Variants in SCARB2 observed in about 807,000 individuals in gnomAD.
The protein encoded by SCARB2 is lysosome membrane protein 2.
SCARB2 carries 29 observed loss-of-function variants against 58.6 expected under a neutral mutation model. That is an observed-to-expected ratio of 0.49 (90% CI 0.37 to 0.67). The LOEUF is 0.67. Among genes scored for constraint, SCARB2 ranks in the 30% least tolerant of loss-of-function variants. SCARB2 has a pLI of 0.00. For missense variants in SCARB2, 488 were observed against 578.5 expected (o/e 0.84, Z 1.60); for synonymous variants, 195 against 210.1 (o/e 0.93, Z 0.62).
intron 1 of SCARB2, among the ~76,000 whole-genome samples, chr4:76,201,071 G>A (rs754755556): frequency 1.3e-5 from 2 of 152,182 alleles, no homozygotes; most frequent in Admixed American, 6.5e-5. Context: ...ACCTGTCGCT[G>A]TCTTTTCCTG....
At chr4:76,194,392 A>C (rs1313996914) in intron 2 of SCARB2, 1 of 152,216 alleles carries the variant, frequency 6.6e-6, no homozygotes, top group African/African-American at 2.4e-5. Flanking sequence ...CAATCTTTGT[A>C]AAAACCATGT....
intron 6 of SCARB2, 30 bp downstream of exon 6, chr4:76,175,761 T>C (rs1732239482): frequency 6.2e-7 from 1 of 1,613,178 alleles, no homozygotes; most frequent in Non-Finnish European, 8.5e-7. Context: ...ACCTTATTTT[T>C]GAAAAAGAAC....
chr4:76,215,843 C>T (rs909049212), upstream of SCARB2, among the ~76,000 whole-genome samples: 2 of 152,174 alleles, frequency 1.3e-5, no homozygotes, highest in African/African-American at 4.8e-5. Context: ...CTAGACATTA[C>T]AGAGCAGAGG....
chr4:76,229,506 G>A (rs1174288218), intron 1 of SCARB2, among the ~76,000 whole-genome samples: 20 of 152,200 alleles, frequency 1.3e-4, no homozygotes, highest in Admixed American at 1.3e-3. Flanking sequence ...CAAGGCCGCT[G>A]TTCAGATTCT....
At chr4:76,167,684 C>G (rs1377164033) in intron 9 of SCARB2, among the ~76,000 whole-genome samples, 1 of 91,324 alleles carries the variant, frequency 1.1e-5, no homozygotes, top group Non-Finnish European at 2.1e-5. Flanking sequence ...CCCCCCCCCG[C>G]TTTTTTTTTT....
At position 76,213,483 on chromosome 4, in the gene SCARB2, C is replaced by G; in HGVS notation, c.61G>C (p.Val21Leu). 1.2e-6 allele frequency: 2 copies of G among 1,611,134 alleles called. No individual in the cohort carries two copies. The highest frequency in any genetic ancestry group is 1.1e-5 in the South Asian group (1 of 90,436). ...AAGACCCGGGCCACCAGCAGCGTGA[C>G]GCTGGTCACCAGCAGGAGCAGGGAC... ...TLSLLLLVTS[V>L]TLLVARVFQK... The change falls in exon 1 of 12, where the codon GTC (valine) becomes CTC (leucine). Residue 21 changes from valine to leucine, a missense_variant. Val to Leu is a conservative substitution (Grantham distance 32, BLOSUM62 1). Coordinates refer to ENST00000264896, the MANE Select transcript of SCARB2 (RefSeq NM_005506.4).
At chr4:76,212,846 C>A (rs1230795228) in intron 1 of SCARB2, among the ~76,000 whole-genome samples, 1 of 152,210 alleles carries the variant, frequency 6.6e-6, no homozygotes, top group Non-Finnish European at 1.5e-5. Context: ...CAAAGCAACA[C>A]AGACTGTTGG....
At chr4:76,175,360 C>G in intron 6 of SCARB2, 1 of 210,992 alleles carries the variant, frequency 4.7e-6, no homozygotes. Flanking sequence ...GGAAGTAGAC[C>G]AGGTCAGTTG....
intron 7 of SCARB2, chr4:76,173,673 T>G: frequency 5.4e-6 from 1 of 184,838 alleles, no homozygotes; most frequent in Non-Finnish European, 1.1e-5. Flanking sequence ...AGTTAATGTT[T>G]TGCATGCATT....
intron 2 of SCARB2, among the ~76,000 whole-genome samples, chr4:76,187,476 C>T (rs1341822193): frequency 6.6e-6 from 1 of 152,016 alleles, no homozygotes; most frequent in African/African-American, 2.4e-5. Context: ...TCTACATGTT[C>T]AGGAAAGGAA....
intron 4 of SCARB2, 38 bp downstream of exon 4, chr4:76,179,479 G>T: frequency 6.7e-7 from 1 of 1,485,050 alleles, no homozygotes; most frequent in Non-Finnish European, 9.4e-7. Flanking sequence ...CCCACTGTCA[G>T]CTAAAAAAAG....
chr4:76,194,959 A>C (rs1560715772), intron 2 of SCARB2: 1 of 152,164 alleles, frequency 6.6e-6, no homozygotes, highest in Non-Finnish European at 1.5e-5. Context: ...AGGTGGAGAA[A>C]AGGAGCGGGT....
chr4:76,218,609 TG>T (rs1413047651), upstream of SCARB2, among the ~76,000 whole-genome samples: 1 of 152,224 alleles, frequency 6.6e-6, no homozygotes, highest in East Asian at 1.9e-4. Context: ...TTATTTTGTT[TG>T]GGGTTATGGG....
At chr4:76,191,238 A>T (rs1395179703) in intron 2 of SCARB2, among the ~76,000 whole-genome samples, 1 of 152,196 alleles carries the variant, frequency 6.6e-6, no homozygotes, top group Non-Finnish European at 1.5e-5. Flanking sequence ...ATGAGGACCC[A>T]AGTATTTTCT....
intron 4 of SCARB2, 55 bp downstream of exon 4, chr4:76,179,462 G>GC (rs1376369003): frequency 8.1e-7 from 1 of 1,237,984 alleles, no homozygotes; most frequent in African/African-American, 1.5e-5. Context: ...GGCTTGGGGT[G>GC]CCCCAACCCA....
Position 76,166,314 on chromosome 4 carries a change from A to G in SCARB2, c.1188-13T>C. ...GTCTCCCGTTTCACTACAAAGACAA[A>G]GGATGAGATTGTTTCAGAAACATCC... On this transcript the variant is annotated splice_polypyrimidine_tract_variant and intron_variant, in intron 9 of 11. Transcript: ENST00000264896. The G allele has an allele frequency of 6.2e-7, 1 of 1,613,814 alleles. No individual in the cohort carries two copies. The highest frequency in any genetic ancestry group is 2.2e-5 in the East Asian group (1 of 44,880).
At chr4:76,204,938 G>A (rs1416238923) in intron 1 of SCARB2, among the ~76,000 whole-genome samples, 1 of 152,188 alleles carries the variant, frequency 6.6e-6, no homozygotes, top group Non-Finnish European at 1.5e-5. Context: ...GGCGCTGGGA[G>A]GACTGGTGAG....
At position 76,180,961 on chromosome 4, in the gene SCARB2, G is replaced by A; in HGVS notation, c.416C>T (p.Pro139Leu). The change falls in exon 3 of 12, where the codon CCT (proline) becomes CTT (leucine). Residue 139 changes from proline to leucine, a missense_variant. Transcript: ENST00000264896. The stretch of plus-strand genomic sequence containing the variant: ...ATTAAAATGCCTACTTACCAATACA[G>A]GAATATTTAATGTTCTAATTAAGTC... ...KIDLIRTLNI[P>L]VLTVIEWSQV... is the part of the protein sequence containing the mutation. The A allele has an allele frequency of 6.2e-7, 1 of 1,611,472 alleles. No individual in the cohort carries two copies. Among genetic ancestry groups the A allele is most frequent in the Non-Finnish European group, 8.5e-7 (1 of 1,179,066 alleles).
intron 2 of SCARB2, among the ~76,000 whole-genome samples, chr4:76,187,656 C>G (rs1368622809): frequency 6.6e-6 from 1 of 152,120 alleles, no homozygotes; most frequent in Non-Finnish European, 1.5e-5. Flanking sequence ...TGATAACCAT[C>G]TAAAACTCAT....
Sources: gnomAD v4.1 joint callset for allele counts (sites outside exome capture counted in the v4.1 genomes callset) on GRCh38, gnomAD v4.1.1 for gene constraint, MANE v1.5 for transcripts, NCBI Gene and HGNC (gene_info 2026-07-23, HGNC 2026-07-21) for gene names.